PLEKHG1: variants seen among roughly 807,000 people sequenced by gnomAD.
PLEKHG1 encodes pleckstrin homology and RhoGEF domain containing G1, also known as pleckstrin homology domain-containing family G member 1.
A neutral mutation model predicts 100.8 loss-of-function variants in PLEKHG1; 44 were observed. The ratio of observed to expected loss-of-function variants is 0.44; its 90% CI spans 0.34 to 0.56. The LOEUF (loss-of-function observed/expected upper bound fraction) is 0.56, where lower values mean the gene tolerates loss of function less well. Among genes scored for constraint, PLEKHG1 ranks in the 20% least tolerant of loss-of-function variants. PLEKHG1 has a pLI of 0.01. For synonymous variants in PLEKHG1, 640 were observed against 662.5 expected (o/e 0.97, Z 0.52); for missense variants, 1,545 against 1,720.9 (o/e 0.90, Z 1.81).
At chr6:150,722,349 CTTTTTTTTTTTTTTTT>C (rs139069069) in intron 1 of PLEKHG1, among the ~76,000 whole-genome samples, 1 of 90,680 alleles carries the variant, frequency 1.1e-5, no homozygotes, top group Non-Finnish European at 2.1e-5. Flanking sequence ...TTTTTCTTTT[CTTTTTTTTTTTTTTTT>C]TTTTTTGAGA....
chr6:150,629,658 A>G (rs2128560976), intron 1 of PLEKHG1, among the ~76,000 whole-genome samples: 1 of 152,178 alleles, frequency 6.6e-6, no homozygotes, highest in East Asian at 1.9e-4. Context: ...AGGAGGTTTC[A>G]CCATATTGGC....
chr6:150,632,851 G>A (rs560643119), intron 1 of PLEKHG1: 4 of 152,330 alleles, frequency 2.6e-5, no homozygotes, highest in African/African-American at 9.6e-5. Flanking sequence ...TTGCCAAAAA[G>A]TTTCTGGGGA....
At chr6:150,612,420 C>T (rs147416214) in intron 1 of PLEKHG1, among the ~76,000 whole-genome samples, 58 of 152,200 alleles carry the variant, frequency 3.8e-4, no homozygotes, top group Non-Finnish European at 7.1e-4. Flanking sequence ...GTAACCTCTG[C>T]CTCCCGGATT....
At position 150,600,807 on chromosome 6, in the gene PLEKHG1, C is replaced by G. The variant is rs1776321623; in HGVS notation, c.-204+790C>G. 1 of 152,216 alleles carries G rather than the reference C, an allele frequency of 6.6e-6. No homozygotes were observed. The allele number at this position is 152,216 out of a possible 1,614,324, so 9.4% of individuals were successfully genotyped here. A position where few individuals can be genotyped will look rare whatever the true frequency, so the allele number is the denominator to read the frequency against. ...ACGCTCTAACTGGGAGAACGGCGCTCGGCTGGTCAATTCATTCCGCTCCTC... is the reference window on the plus strand; with the variant it reads ...ACGCTCTAACTGGGAGAACGGCGCTGGGCTGGTCAATTCATTCCGCTCCTC... On this transcript the variant is annotated intron_variant, in intron 1 of 3. Transcript: ENST00000367326. This position sits in a 1 kb window ranked among gnomAD's most constrained non-coding sequence, Gnocchi z 6.2.
intron 13 of PLEKHG1, among the ~76,000 whole-genome samples, chr6:150,821,932 C>T (rs1776324744): frequency 6.7e-6 from 1 of 150,312 alleles, no homozygotes; most frequent in Non-Finnish European, 1.5e-5. Context: ...ACCTCTGCCT[C>T]CCAGGTTCAA....
At chr6:150,786,443 A>G (rs746543498) in exon 4 of PLEKHG1, 2 of 1,612,016 alleles carry the variant, frequency 1.2e-6, no homozygotes, top group East Asian at 2.2e-5. Context: ...GCCATAGCAG[A>G]GTGTTTTGTG....
intron 10 of PLEKHG1, among the ~76,000 whole-genome samples, chr6:150,817,862 G>A (rs577024514): frequency 5.3e-5 from 8 of 151,976 alleles, no homozygotes; most frequent in South Asian, 2.1e-4. Context: ...GCGCCCAGCC[G>A]AGAATCTGCA....
intron 1 of PLEKHG1, among the ~76,000 whole-genome samples, chr6:150,615,565 T>C (rs751918289): frequency 1.3e-5 from 2 of 152,340 alleles, no homozygotes; most frequent in East Asian, 1.9e-4. Flanking sequence ...ATCTTATATA[T>C]TGATTTAAAT....
At chr6:150,737,281 ATTTT>A (rs34129872) in intron 2 of PLEKHG1, among the ~76,000 whole-genome samples, 5 of 117,028 alleles carry the variant, frequency 4.3e-5, no homozygotes, top group Non-Finnish European at 1.8e-5. Context: ...TCATATGGGT[ATTTT>A]TTTTTTTTTT....
At chr6:150,698,499 T>TACACAC (rs3072714) in intron 3 of PLEKHG1, among the ~76,000 whole-genome samples, 71,936 of 151,782 alleles carry the variant, frequency 0.47, 17,894 homozygotes, top group African/African-American at 0.64. Context: ...ATACTATATA[T>TACACAC]ACACACACAC....
At chr6:150,714,819 C>CT (rs3072718) in intron 3 of PLEKHG1, among the ~76,000 whole-genome samples, 6 of 143,446 alleles carry the variant, frequency 4.2e-5, no homozygotes, top group African/African-American at 1.4e-4. Flanking sequence ...GAATTTTTTT[C>CT]TTTTTTTTTG....
At chr6:150,716,378 G>T (rs1234326329), upstream of PLEKHG1, among the ~76,000 whole-genome samples, 3 of 152,128 alleles carry the variant, frequency 2.0e-5, no homozygotes, top group Non-Finnish European at 4.4e-5. Context: ...CTCACTTCTA[G>T]CACCTTTGCA....
In PLEKHG1 at chr6:150,820,591, G is replaced by A. The variant is rs115694617; in HGVS notation, c.1409-604G>A. ...ACAAAAAATGCAAATAAGGCCGGGC[G>A]CGGTGGCTCACACCTGTAATCCCAG... is the stretch of plus-strand genomic sequence containing the variant. On this transcript the variant is annotated intron_variant, in intron 12 of 15. Coordinates refer to ENST00000358517, the Ensembl canonical transcript of PLEKHG1. Among the ~76,000 whole-genome samples, 167 of 152,198 alleles carry A rather than the reference G, an allele frequency of 1.1e-3. 1 individual carries two copies. The highest frequency in any genetic ancestry group is 3.9e-3 in the African/African-American group (163 of 41,526).
intron 1 of PLEKHG1, among the ~76,000 whole-genome samples, chr6:150,729,070 A>G (rs1042988522): frequency 3.3e-5 from 5 of 152,168 alleles, no homozygotes; most frequent in Admixed American, 1.3e-4. Context: ...TTACATCTCA[A>G]TTCAGACTGA....
chr6:150,719,481 C>T (rs1781574465), upstream of PLEKHG1, among the ~76,000 whole-genome samples: 1 of 152,094 alleles, frequency 6.6e-6, no homozygotes, highest in South Asian at 2.1e-4. Context: ...AGGAAGGTTC[C>T]CTGCCCCCAA....
chr6:150,647,213 G>A (rs1778539408), intron 2 of PLEKHG1, among the ~76,000 whole-genome samples: 1 of 152,126 alleles, frequency 6.6e-6, no homozygotes, highest in African/African-American at 2.4e-5. Context: ...ACCATTAAAA[G>A]CCACTTTACC....
chr6:150,820,755 C>T (rs1255322400), intron 12 of PLEKHG1, among the ~76,000 whole-genome samples: 1 of 151,962 alleles, frequency 6.6e-6, no homozygotes, highest in East Asian at 1.9e-4. Flanking sequence ...ATCCCAGCTA[C>T]TCGGGAGGCT....
intron 2 of PLEKHG1, among the ~76,000 whole-genome samples, chr6:150,736,178 T>A (rs1463673935): frequency 6.6e-6 from 1 of 152,230 alleles, no homozygotes; most frequent in Non-Finnish European, 1.5e-5. Flanking sequence ...GACATGCCAG[T>A]ACCTCTTTAG....
chr6:150,818,329 A>T (rs1776104323), intron 11 of PLEKHG1, 113 bp downstream of exon 12: 2 of 831,268 alleles, frequency 2.4e-6, no homozygotes, highest in African/African-American at 1.7e-5. Flanking sequence ...GTATCTCTCT[A>T]TTCACTGTTT....
Sources: gnomAD v4.1 joint callset for allele counts (sites outside exome capture counted in the v4.1 genomes callset) on GRCh38, gnomAD v4.1.1 for gene constraint, Gnocchi (gnomAD v3.1) non-coding constraint, MANE v1.5 for transcripts, NCBI Gene and HGNC (gene_info 2026-07-23, HGNC 2026-07-21) for gene names.